YWHAZ: variants seen among roughly 807,000 people sequenced by gnomAD.
The protein encoded by YWHAZ is tyrosine 3-monooxygenase/tryptophan 5-monooxygenase activation protein zeta, also known as 14-3-3 protein zeta/delta.
For synonymous variants in YWHAZ, 87 were observed against 103.6 expected (o/e 0.84, Z 0.97); for missense variants, 79 against 284.8 (o/e 0.28, Z 5.20).
intron 2 of YWHAZ, among the ~76,000 whole-genome samples, chr8:100,930,526 C>A (rs1406318931): frequency 6.6e-6 from 1 of 152,204 alleles, no homozygotes; most frequent in Non-Finnish European, 1.5e-5. Context: ...TCAAGCACAT[C>A]CTACACTCAA....
At chr8:100,927,933 C>T (rs1478634339) in intron 2 of YWHAZ, among the ~76,000 whole-genome samples, 1 of 152,172 alleles carries the variant, frequency 6.6e-6, no homozygotes, top group Non-Finnish European at 1.5e-5. Context: ...TAATGATAGA[C>T]CAAAAGAACC....
At chr8:100,953,382 G>A, upstream of YWHAZ, 1 of 985,406 alleles carries the variant, frequency 1.0e-6, no homozygotes, top group Non-Finnish European at 1.2e-6. Context: ...CCCGGAAGAA[G>A]GGGAAGGAGA....
In YWHAZ at chr8:100,951,916, C is replaced by G. The variant is rs1810819070; in HGVS notation, c.-12+13G>C. 4.0e-6 allele frequency: 4 copies of G among 995,492 alleles called. No homozygotes were observed. Among genetic ancestry groups the G allele is most frequent in the Non-Finnish European group, 4.8e-6 (4 of 836,222 alleles). The allele number at this position is 995,492 out of a possible 1,614,324, so 61.7% of individuals were successfully genotyped here. A position where few individuals can be genotyped will look rare whatever the true frequency, so the allele number is the denominator to read the frequency against. ...GACAGGAAGCGAGGCGCGGCGGCGG[C>G]CGGGTTCCTCACCTGTGTCCGGAGT... On this transcript the variant is annotated intron_variant, in intron 1 of 5. Coordinates refer to ENST00000395958, the MANE Select transcript of YWHAZ (RefSeq NM_145690.3).
At chr8:100,929,769 A>C (rs992212774) in intron 2 of YWHAZ, among the ~76,000 whole-genome samples, 1 of 152,212 alleles carries the variant, frequency 6.6e-6, no homozygotes, top group Non-Finnish European at 1.5e-5. Context: ...CAAGTTTTCC[A>C]GATTTGGAAG....
chr8:100,936,805 A>AAAAC (rs943654391), intron 2 of YWHAZ, among the ~76,000 whole-genome samples: 4 of 152,270 alleles, frequency 2.6e-5, no homozygotes, highest in African/African-American at 7.2e-5. Flanking sequence ...ACTCCATCTC[A>AAAAC]AAACAAACAA....
At chr8:100,945,243 T>C (rs1288852210) in intron 2 of YWHAZ, among the ~76,000 whole-genome samples, 1 of 152,242 alleles carries the variant, frequency 6.6e-6, no homozygotes, top group Non-Finnish European at 1.5e-5. Flanking sequence ...AATGCTCTAT[T>C]TACTCTTGTA....
At position 100,918,443 on chromosome 8, in the gene YWHAZ, T is replaced by TATATATATATATATATATATATA. The variant is rs1417316114; in HGVS notation, c.*2249_*2250insTATATATATATATATATATATAT. On this transcript the variant is annotated 3_prime_UTR_variant, in exon 6 of 6. Transcript: ENST00000395958. ...ATATATATATATATATATATATATA[T>TATATATATATATATATATATATA]AATTATTTTACCTCCTTGGCTTGGG... 3 of 117,060 alleles carry TATATATATATATATATATATATA rather than the reference T, an allele frequency of 2.6e-5. No individual in the cohort carries two copies. Among genetic ancestry groups the TATATATATATATATATATATATA allele is most frequent in the Non-Finnish European group, 3.5e-5 (2 of 57,490 alleles). The allele number at this position is 117,060 out of a possible 1,614,324, so 7.3% of individuals were successfully genotyped here. A position where few individuals can be genotyped will look rare whatever the true frequency, so the allele number is the denominator to read the frequency against.
intron 2 of YWHAZ, among the ~76,000 whole-genome samples, chr8:100,943,986 C>CAAAAAA (rs36113483): frequency 1.7e-5 from 2 of 116,488 alleles, no homozygotes; most frequent in South Asian, 2.9e-4. Context: ...GACTCCGTCT[C>CAAAAAA]AAAAAAAAAA....
At chr8:100,939,311 T>A (rs1212586661) in intron 2 of YWHAZ, among the ~76,000 whole-genome samples, 1 of 152,020 alleles carries the variant, frequency 6.6e-6, no homozygotes, top group Non-Finnish European at 1.5e-5. Context: ...CAGAGAATTG[T>A]CTCCCTCCGA....
chr8:100,941,733 C>T (rs1055126182), intron 2 of YWHAZ, among the ~76,000 whole-genome samples: 1 of 150,526 alleles, frequency 6.6e-6, no homozygotes, highest in Non-Finnish European at 1.5e-5. Context: ...TGCAGTGAGG[C>T]GAGATTGTGC....
chr8:100,950,467 AT>A, intron 1 of YWHAZ: 1 of 985,422 alleles, frequency 1.0e-6, no homozygotes, highest in Non-Finnish European at 1.2e-6. Flanking sequence ...TAAAGTGCAA[AT>A]TCTCCGGTCC....
At chr8:100,950,417 C>CT (rs1810627302) in intron 1 of YWHAZ, 1 of 985,360 alleles carries the variant, frequency 1.0e-6, no homozygotes, top group African/African-American at 1.7e-5. Flanking sequence ...TGACTTGAGA[C>CT]GTCGGTTACT....
intron 1 of YWHAZ, among the ~76,000 whole-genome samples, chr8:100,949,905 T>C (rs183091631): frequency 7.9e-4 from 121 of 152,318 alleles, no homozygotes; most frequent in African/African-American, 2.8e-3. Flanking sequence ...AGCACAAAGA[T>C]ACTAATCCAC....
rs927263604 is a variant in YWHAZ at position 100,919,870 on chromosome 8, A to C, written c.*823T>G. ...AGCACATGCATGTTAGGCAAGTATCAAAAAAAAAAAAATCACAAAAGCAAA... is the reference window on the plus strand; with the variant it reads ...AGCACATGCATGTTAGGCAAGTATCCAAAAAAAAAAAATCACAAAAGCAAA... On this transcript the variant is annotated 3_prime_UTR_variant, in exon 6 of 6. Transcript: ENST00000395958. 4 of 18,324 alleles carry C rather than the reference A, an allele frequency of 2.2e-4. No individual in the cohort carries two copies. The highest frequency in any genetic ancestry group is 1.6e-3 in the African/African-American group (3 of 1,840). 1.1% of individuals were successfully genotyped at this position (18,324 alleles called of 1,614,324 possible).
At position 100,920,547 on chromosome 8, in the gene YWHAZ, A is replaced by G. The variant is rs1812935138; in HGVS notation, c.*146T>C. ...TACTCCCCTAATATTAAACATAAAA[A>G]CCACATGGGAAATATAGAAATTCAA... On this transcript the variant is annotated 3_prime_UTR_variant, in exon 6 of 6. Coordinates refer to ENST00000395958, the MANE Select transcript of YWHAZ (RefSeq NM_145690.3). 3 of 783,014 alleles carry G rather than the reference A, an allele frequency of 3.8e-6. No individual in the cohort carries two copies. The East Asian group carries it at 7.7e-5, about 20-fold the overall frequency. 48.5% of individuals were successfully genotyped at this position (783,014 alleles called of 1,614,324 possible).
At chr8:100,946,298 G>A (rs1433303149) in intron 2 of YWHAZ, among the ~76,000 whole-genome samples, 1 of 152,192 alleles carries the variant, frequency 6.6e-6, no homozygotes, top group Non-Finnish European at 1.5e-5. Flanking sequence ...CAGCACTTTG[G>A]GAGGCCAAGG....
chr8:100,952,813 G>A, upstream of YWHAZ: 1 of 1,000,366 alleles, frequency 1.0e-6, no homozygotes, highest in Non-Finnish European at 1.2e-6. Flanking sequence ...GGGGCGCGCG[G>A]CCCCTCCCGG....
chr8:100,941,154 G>A (rs1156816778), intron 2 of YWHAZ, among the ~76,000 whole-genome samples: 1 of 152,218 alleles, frequency 6.6e-6, no homozygotes, highest in African/African-American at 2.4e-5. Flanking sequence ...ACTACAGCTT[G>A]CCTATATAAT....
At chr8:100,946,279 C>G (rs1248510950) in intron 2 of YWHAZ, among the ~76,000 whole-genome samples, 1 of 152,186 alleles carries the variant, frequency 6.6e-6, no homozygotes, top group East Asian at 1.9e-4. Flanking sequence ...TGGCTCACTC[C>G]TGTAATCCCA....
Sources: gnomAD v4.1 joint callset for allele counts (sites outside exome capture counted in the v4.1 genomes callset) on GRCh38, gnomAD v4.1.1 for gene constraint, MANE v1.5 for transcripts, NCBI Gene and HGNC (gene_info 2026-07-23, HGNC 2026-07-21) for gene names.